Variants in AKT3 observed in about 807,000 individuals in gnomAD.
The protein encoded by AKT3 is AKT serine/threonine kinase 3, also known as RAC-gamma serine/threonine-protein kinase.
In AKT3, 15 loss-of-function variants were observed where a neutral mutation model predicts 65.3. That is an observed-to-expected ratio of 0.23 (90% CI 0.15 to 0.35). The LOEUF is 0.35. AKT3 is among the 10% of genes least tolerant of loss of function. The pLI, the probability that AKT3 is intolerant of heterozygous loss-of-function variation, is 1.00. For synonymous variants in AKT3, 206 were observed against 183.8 expected (o/e 1.12, Z -0.98); for missense variants, 243 against 576.5 (o/e 0.42, Z 5.92).
chr1:243,543,607 A>T (rs978791958), intron 12 of AKT3, among the ~76,000 whole-genome samples: 15 of 152,194 alleles, frequency 9.9e-5, no homozygotes, highest in Non-Finnish European at 7.3e-5. Context: ...GTTCTTTTGT[A>T]GTGTACTGAC....
chr1:243,643,361 A>C (rs988155210), intron 5 of AKT3, among the ~76,000 whole-genome samples: 2 of 152,194 alleles, frequency 1.3e-5, no homozygotes, highest in East Asian at 3.8e-4. Flanking sequence ...CTAGTCTGTT[A>C]AAAATTAAGC....
chr1:243,669,247 T>G (rs1683008652), intron 3 of AKT3, among the ~76,000 whole-genome samples: 1 of 152,146 alleles, frequency 6.6e-6, no homozygotes, highest in Non-Finnish European at 1.5e-5. Context: ...TTATAGCACC[T>G]AGGACAGTGA....
At chr1:243,740,202 G>C (rs1688068186) in intron 2 of AKT3, among the ~76,000 whole-genome samples, 1 of 152,156 alleles carries the variant, frequency 6.6e-6, no homozygotes, top group Admixed American at 6.5e-5. Context: ...TCTCAAGTTT[G>C]GAAAATGCAG....
At chr1:243,715,035 T>C (rs1326397402) in intron 2 of AKT3, among the ~76,000 whole-genome samples, 10 of 152,108 alleles carry the variant, frequency 6.6e-5, no homozygotes, top group Non-Finnish European at 1.5e-4. Flanking sequence ...ACAGCATCCA[T>C]TTGACCACAA....
At chr1:243,615,592 A>G (rs370309948) in intron 6 of AKT3, among the ~76,000 whole-genome samples, 1 of 152,190 alleles carries the variant, frequency 6.6e-6, no homozygotes, top group Non-Finnish European at 1.5e-5. Context: ...ATATCAAAGA[A>G]TTTAAAAGTC....
At chr1:243,705,585 G>C (rs891799189) in intron 2 of AKT3, among the ~76,000 whole-genome samples, 6 of 152,130 alleles carry the variant, frequency 3.9e-5, no homozygotes, top group African/African-American at 1.4e-4. Flanking sequence ...ACAGTACCCA[G>C]TTTTACTCTA....
intron 2 of AKT3, among the ~76,000 whole-genome samples, chr1:243,760,008 A>T (rs1238729606): frequency 6.6e-6 from 1 of 152,206 alleles, no homozygotes; most frequent in African/African-American, 2.4e-5. Context: ...CCCTAGATTC[A>T]TGTCACCTGA....
chr1:243,810,690 T>C (rs1460901604), intron 2 of AKT3, among the ~76,000 whole-genome samples: 1 of 152,150 alleles, frequency 6.6e-6, no homozygotes, highest in Non-Finnish European at 1.5e-5. Context: ...GCCAGCATCA[T>C]CCTGATACCA....
Position 243,500,016 on chromosome 1 carries a change from G to C in AKT3, c.*5233C>G. Reference sequence around the variant, plus strand: ...TGGTGTATGTTTTCAGAAATGGCTTGAAGTTATGTGTTTAAATCTGCTCAT... The same window carrying C: ...TGGTGTATGTTTTCAGAAATGGCTTCAAGTTATGTGTTTAAATCTGCTCAT... On this transcript the variant is annotated 3_prime_UTR_variant, in exon 14 of 14. Coordinates refer to ENST00000673466, the MANE Select transcript of AKT3 (RefSeq NM_005465.7). The C allele has an allele frequency of 1.7e-6, 1 of 583,086 alleles. No homozygotes were observed. Among genetic ancestry groups the C allele is most frequent in the South Asian group, 2.2e-5 (1 of 45,514 alleles). The allele number at this position is 583,086 out of a possible 1,614,324, so 36.1% of individuals were successfully genotyped here.
At chr1:243,522,836 T>C (rs1574529382) in intron 12 of AKT3, among the ~76,000 whole-genome samples, 1 of 152,166 alleles carries the variant, frequency 6.6e-6, no homozygotes, top group Non-Finnish European at 1.5e-5. Flanking sequence ...AAGTATCTAT[T>C]ATTTTTATAG....
chr1:243,577,079 C>G (rs376760586), intron 8 of AKT3, among the ~76,000 whole-genome samples: 12 of 152,278 alleles, frequency 7.9e-5, no homozygotes, highest in African/African-American at 2.9e-4. Flanking sequence ...GACCAAATAT[C>G]TACAACTATT....
intron 4 of AKT3, among the ~76,000 whole-genome samples, chr1:243,661,710 C>G (rs1395943513): frequency 2.0e-5 from 3 of 150,244 alleles, no homozygotes; most frequent in East Asian, 3.9e-4. Context: ...CAAATGGGAT[C>G]TAATTAAACT....
At position 243,822,285 on chromosome 1, in the gene AKT3, G is replaced by T. The variant is rs186346873; in HGVS notation, c.46+20840C>A. On this transcript the variant is annotated intron_variant, in intron 2 of 13. Coordinates refer to ENST00000673466, the MANE Select transcript of AKT3 (RefSeq NM_005465.7). ...TGGGATGTAGCTAAAGCAGTGTTAA[G>T]AGGGAAATTTATAGCACTAAATGAC... Among the ~76,000 whole-genome samples the T allele has an allele frequency of 4.6e-4, 70 of 152,258 alleles. No individual in the cohort carries two copies. In the East Asian group the frequency reaches 0.013, roughly 28 times the overall value.
chr1:243,796,922 T>A (rs903349272), intron 2 of AKT3, among the ~76,000 whole-genome samples: 1 of 151,916 alleles, frequency 6.6e-6, no homozygotes, highest in Non-Finnish European at 1.5e-5. Flanking sequence ...ACTAAAGCAG[T>A]CAAATTTAAG....
At chr1:243,661,686 A>G (rs1682346785) in intron 4 of AKT3, among the ~76,000 whole-genome samples, 2 of 151,676 alleles carry the variant, frequency 1.3e-5, no homozygotes, top group African/African-American at 4.8e-5. Context: ...AATGGCAACA[A>G]AAGCCAAAAT....
intron 12 of AKT3, among the ~76,000 whole-genome samples, chr1:243,528,530 C>T (rs540878318): frequency 5.9e-5 from 9 of 152,220 alleles, no homozygotes; most frequent in Non-Finnish European, 8.8e-5. Context: ...TGTGTTGATA[C>T]GTACTCAATG....
At position 243,720,429 on chromosome 1, in the gene AKT3, T is replaced by TA. The variant is rs66716743; in HGVS notation, c.47-24714dup. Reference sequence around the variant, plus strand: ...TTTTTGATGAGACCAAAAGACATAGTAAAAAAAAAAAAAAAAAAAAAAGTT... The same window carrying TA: ...TTTTTGATGAGACCAAAAGACATAGTAAAAAAAAAAAAAAAAAAAAAAAGTT... On this transcript the variant is annotated intron_variant, in intron 2 of 13. Transcript: ENST00000673466. Among the ~76,000 whole-genome samples the TA allele has an allele frequency of 8.6e-3, 823 of 96,004 alleles. 3 individuals carry two copies. Among genetic ancestry groups the TA allele is most frequent in the African/African-American group, 0.018 (365 of 20,832 alleles). The allele number at this position is 96,004 out of a possible 152,430, so 63.0% of individuals were successfully genotyped here.
intron 5 of AKT3, among the ~76,000 whole-genome samples, chr1:243,643,015 T>G (rs571139446): frequency 1.2e-4 from 19 of 152,294 alleles, no homozygotes; most frequent in Admixed American, 1.2e-3. Context: ...CTCCTTTGCC[T>G]CCATCTCTGC....
At chr1:243,577,576 C>T (rs1675032582) in intron 8 of AKT3, among the ~76,000 whole-genome samples, 1 of 152,082 alleles carries the variant, frequency 6.6e-6, no homozygotes, top group Non-Finnish European at 1.5e-5. Context: ...TGTAAAACCC[C>T]AAACTATAAA....
Sources: gnomAD v4.1 joint callset for allele counts (sites outside exome capture counted in the v4.1 genomes callset) on GRCh38, gnomAD v4.1.1 for gene constraint, MANE v1.5 for transcripts, NCBI Gene and HGNC (gene_info 2026-07-23, HGNC 2026-07-21) for gene names.